The following KIF9 variants were observed in gnomAD, a reference collection of about 807,000 sequenced individuals.
KIF9 encodes kinesin-like protein KIF9.
Under a neutral mutation model 94.8 loss-of-function variants are expected in KIF9, and 68 were observed. The ratio of observed to expected loss-of-function variants is 0.72; its 90% CI spans 0.59 to 0.88. The LOEUF (loss-of-function observed/expected upper bound fraction) is 0.88. KIF9 is among the 40% of genes least tolerant of loss of function. The probability of loss-of-function intolerance (pLI) is 0.00; values close to 1 mark genes in which losing one functional copy is unlikely to be tolerated. For synonymous variants in KIF9, 343 were observed against 362.1 expected, an observed-to-expected ratio of 0.95 and a Z score of 0.60; for missense variants, 882 against 982.5, an observed-to-expected ratio of 0.90 and a Z score of 1.37.
chr3:47,238,007 G>C (rs56250009), intron 17 of KIF9, among the ~76,000 whole-genome samples: 51,163 of 152,062 alleles, frequency 0.34, 8,960 homozygotes, highest in Middle Eastern at 0.47. Context: ...AACATCTTTT[G>C]TTCTACCCAG....
intron 10 of KIF9, chr3:47,250,676 G>T: frequency 2.8e-6 from 1 of 353,638 alleles, no homozygotes; most frequent in Middle Eastern, 1.1e-3. Context: ...TTTTATACTC[G>T]ATATACCATC....
chr3:47,278,844 C>T lies in KIF9; in HGVS notation c.-5-1465G>A, dbSNP rs191614505. Among the ~76,000 whole-genome samples the T allele has an allele frequency of 3.7e-4, 56 of 152,094 alleles. 1 individual carries two copies. Among genetic ancestry groups the T allele is most frequent in the African/African-American group, 1.2e-3 (50 of 41,494 alleles). On this transcript the variant is annotated intron_variant, in intron 1 of 20. Transcript: ENST00000684063. ...AAAATTAGCTAGTTGTGGTGGCAGA[C>T]GCCTGTAATCCCAGCTACTCAGAAG...
chr3:47,245,784 CT>C, intron 13 of KIF9: 1 of 520,778 alleles, frequency 1.9e-6, no homozygotes, highest in Non-Finnish European at 3.5e-6. Flanking sequence ...GTAAGCTTCA[CT>C]TGGGACCATG....
At chr3:47,266,721 C>T (rs1476364965) in intron 7 of KIF9, among the ~76,000 whole-genome samples, 3 of 152,284 alleles carry the variant, frequency 2.0e-5, no homozygotes, top group Non-Finnish European at 2.9e-5. Flanking sequence ...GAGTGCCAGG[C>T]ACTTTGCTAA....
At position 47,282,539 on chromosome 3, in the gene KIF9, G is replaced by A. The variant is rs987488454; in HGVS notation, c.-50C>T. The A allele has an allele frequency of 1.8e-5, 18 of 998,888 alleles. No individual in the cohort carries two copies. In the South Asian group the frequency reaches 7.5e-4, roughly 42 times the overall value. The allele number at this position is 998,888 out of a possible 1,614,324, so 61.9% of individuals were successfully genotyped here. A position where few individuals can be genotyped will look rare whatever the true frequency, so the allele number is the denominator to read the frequency against. ...CTCCCGGGACGCGACTGCCGCAACC[G>A]AAACCACCTGCACTCCCCACGCGGG... On this transcript the variant is annotated 5_prime_UTR_variant, in exon 1 of 21. Transcript: ENST00000684063.
rs1701332104 is a variant in KIF9, at chr3:47,267,051, T to C, written c.693A>G (p.Leu231=). 2.5e-6 allele frequency: 4 copies of C among 1,613,860 alleles called. No individual in the cohort carries two copies. The highest frequency in any genetic ancestry group is 2.2e-5 in the East Asian group (1 of 44,860). Residue 231 remains leucine (L), a synonymous_variant, in exon 7 of 21, where the codon TTA becomes TTG. Coordinates refer to ENST00000684063, the MANE Select transcript of KIF9 (RefSeq NM_182902.4). ...TIYLEAHSRT[L]SEEKYITSKI... is the part of the protein sequence containing the mutation. ...TGGAAGTGATGTACTTTTCCTCTGA[T>C]AAGGTCCGGGAATGGGCCTACAAAA...
chr3:47,282,295 A>G, intron 1 of KIF9, 200 bp downstream of exon 1: 7 of 985,734 alleles, frequency 7.1e-6, no homozygotes, highest in Non-Finnish European at 8.4e-6. Flanking sequence ...AATGAACATT[A>G]GCTCCGAAGA....
At chr3:47,230,711 A>G (rs1444807040) in intron 20 of KIF9, among the ~76,000 whole-genome samples, 2 of 150,980 alleles carry the variant, frequency 1.3e-5, no homozygotes, top group Admixed American at 6.6e-5. Flanking sequence ...AGCCTAGGTG[A>G]CAGAGGAAGA....
chr3:47,244,834 C>A lies in KIF9; in HGVS notation c.1471G>T (p.Gly491Trp). The change falls in exon 15 of 21, where the codon GGG becomes TGG. Residue 491 changes from glycine (G) to tryptophan (W), a missense_variant. Transcript: ENST00000684063. ...GTCTTCTTGGACTTGGCTTTCTTCC[C>A]AGGTTTGGTAGAGAAAGGGGCGACT... The part of the protein sequence containing the change: ...LGVAPFSTKP[G>W]KKAKSKKTFK... The A allele has an allele frequency of 6.2e-7, 1 of 1,614,118 alleles. No homozygotes were observed. The highest frequency in any genetic ancestry group is 8.5e-7 in the Non-Finnish European group (1 of 1,180,018).
chr3:47,236,670 TG>T (rs1168463300), intron 17 of KIF9, 51 bp from the exon 18 acceptor site: 2 of 1,553,944 alleles, frequency 1.3e-6, no homozygotes, highest in Admixed American at 3.4e-5. Context: ...CACCTGAAAT[TG>T]GGGGAGGAAG....
At chr3:47,248,747 A>G (rs1249782257) in intron 10 of KIF9, among the ~76,000 whole-genome samples, 1 of 151,878 alleles carries the variant, frequency 6.6e-6, no homozygotes, top group Non-Finnish European at 1.5e-5. Flanking sequence ...CCAGCACCAG[A>G]ATGCTTTCTT....
Position 47,235,616 on chromosome 3 carries a change from C to G in KIF9, c.2219G>C (p.Gly740Ala), listed in dbSNP as rs539897039. Residue 740 changes from glycine to alanine, a missense_variant and splice_region_variant, in exon 20 of 21, where the codon GGA (glycine) becomes GCA (alanine). Transcript: ENST00000684063. Reference sequence around the variant, plus strand: ...GCTGAATTTGTCCTGGTCATCTTCTCCCTGGGGGAGGACAGTCCCTTTAGC... The same window carrying G: ...GCTGAATTTGTCCTGGTCATCTTCTGCCTGGGGGAGGACAGTCCCTTTAGC... ...MVPVNRIVSL[G>A]EDDQDKFSQL... is the part of the protein sequence containing the mutation. The G allele has an allele frequency of 6.2e-7, 1 of 1,612,684 alleles. No individual in the cohort carries two copies.
chr3:47,228,754 G>T, intron 20 of KIF9, 52 bp from the exon 21 acceptor site: 1 of 1,472,210 alleles, frequency 6.8e-7, no homozygotes, highest in Non-Finnish European at 9.5e-7. Flanking sequence ...GACAGACATA[G>T]CAGGGACTCA....
In KIF9 at chr3:47,275,340, G is replaced by A; in HGVS notation, c.244C>T (p.Leu82Phe). 6.2e-7 allele frequency: 1 copy of A among 1,611,546 alleles called. No homozygotes were observed. The highest frequency in any genetic ancestry group is 1.1e-5 in the South Asian group (1 of 90,444). Residue 82 changes from leucine to phenylalanine, a missense_variant, in exon 3 of 21, where the codon CTC becomes TTC. Transcript: ENST00000684063. ...ATTAAGTTACCATTATAGCCATCGA[G>A]GGCCTGAGAAACCACATCCTTTGCA... ...TVAKDVVSQA[L>F]DGYNGTIMCY...
At chr3:47,261,749 G>A (rs963759946) in intron 9 of KIF9, among the ~76,000 whole-genome samples, 1 of 152,104 alleles carries the variant, frequency 6.6e-6, no homozygotes, top group Admixed American at 6.5e-5. Context: ...GTGTATATGC[G>A]CTCTGTACAG....
At chr3:47,233,251 TA>T (rs1698744491) in intron 20 of KIF9, among the ~76,000 whole-genome samples, 1 of 148,982 alleles carries the variant, frequency 6.7e-6, no homozygotes, top group African/African-American at 2.5e-5. Context: ...TAGTCCCAGT[TA>T]TTCAAGAGGC....
At chr3:47,254,697 C>G (rs1364888699) in intron 10 of KIF9, among the ~76,000 whole-genome samples, 1 of 152,084 alleles carries the variant, frequency 6.6e-6, no homozygotes, top group Non-Finnish European at 1.5e-5. Flanking sequence ...CAGGAGAGCC[C>G]AATCCAGTCA....
chr3:47,277,757 ATACT>A (rs1258456626), intron 1 of KIF9, among the ~76,000 whole-genome samples: 2 of 152,218 alleles, frequency 1.3e-5, no homozygotes, highest in Admixed American at 6.5e-5. Flanking sequence ...TTCTTCTAAA[ATACT>A]TACTATGAAA....
intron 13 of KIF9, 153 bp downstream of exon 13, chr3:47,246,044 T>A (rs1699902508): frequency 3.3e-6 from 2 of 613,296 alleles, no homozygotes; most frequent in Non-Finnish European, 5.8e-6. Flanking sequence ...ACTCACTGAA[T>A]ATCCACCAGG....
Sources: gnomAD v4.1 joint callset for allele counts (sites outside exome capture counted in the v4.1 genomes callset) on GRCh38, gnomAD v4.1.1 for gene constraint, MANE v1.5 for transcripts, NCBI Gene and HGNC (gene_info 2026-07-23, HGNC 2026-07-21) for gene names.